CNTNAP5: variants seen among roughly 807,000 people sequenced by gnomAD.
CNTNAP5 encodes the protein contactin-associated protein-like 5.
A neutral mutation model predicts 150.2 loss-of-function variants in CNTNAP5; 72 were observed. The ratio of observed to expected loss-of-function variants is 0.48; its 90% CI spans 0.40 to 0.58. CNTNAP5 has a LOEUF of 0.58. Among genes scored for constraint, CNTNAP5 ranks in the 20% least tolerant of loss-of-function variants. The probability of loss-of-function intolerance (pLI) is 0.00; values close to 1 mark genes in which losing one functional copy is unlikely to be tolerated. For synonymous variants in CNTNAP5, 672 were observed against 619.8 expected (o/e 1.08, Z -1.25); for missense variants, 1,636 against 1,626.2 (o/e 1.01, Z -0.10).
chr2:124,127,887 T>C (rs527881142), intron 1 of CNTNAP5, among the ~76,000 whole-genome samples: 1 of 152,186 alleles, frequency 6.6e-6, no homozygotes, highest in Admixed American at 6.5e-5. Flanking sequence ...ATCCCTTCCT[T>C]ACACCTTATA....
chr2:124,461,057 G>C (rs375691423), intron 6 of CNTNAP5, among the ~76,000 whole-genome samples: 18 of 152,164 alleles, frequency 1.2e-4, no homozygotes, highest in Admixed American at 3.9e-4. Context: ...GGAGAAATAG[G>C]AACACTTTTA....
chr2:124,674,184 A>T (rs1271628939), intron 13 of CNTNAP5, among the ~76,000 whole-genome samples: 1 of 151,690 alleles, frequency 6.6e-6, no homozygotes, highest in African/African-American at 2.4e-5. Context: ...AGTCTTATTG[A>T]TTTTTCTCTA....
At chr2:124,467,030 C>T (rs752195013) in intron 6 of CNTNAP5, among the ~76,000 whole-genome samples, 1 of 152,086 alleles carries the variant, frequency 6.6e-6, no homozygotes, top group African/African-American at 2.4e-5. Flanking sequence ...AAAACTAGTA[C>T]CTTTGAAAGT....
intron 1 of CNTNAP5, among the ~76,000 whole-genome samples, chr2:124,027,158 GT>G (rs1263391901): frequency 6.6e-6 from 1 of 152,186 alleles, no homozygotes; most frequent in African/African-American, 2.4e-5. Context: ...TGGAATCTGA[GT>G]TTTTTTCTTT....
chr2:124,375,539 GT>G (rs1690625243), intron 3 of CNTNAP5, among the ~76,000 whole-genome samples: 1 of 152,202 alleles, frequency 6.6e-6, no homozygotes, highest in South Asian at 2.1e-4. Context: ...AGGCCACATG[GT>G]AATTAATGCA....
chr2:124,882,941 A>T (rs1677996803), intron 21 of CNTNAP5, among the ~76,000 whole-genome samples: 1 of 151,988 alleles, frequency 6.6e-6, no homozygotes, highest in South Asian at 2.1e-4. Context: ...CAAGAACAGG[A>T]TGGGAGAAAC....
At chr2:124,407,023 G>A (rs556149250) in intron 3 of CNTNAP5, among the ~76,000 whole-genome samples, 5 of 152,288 alleles carry the variant, frequency 3.3e-5, no homozygotes, top group African/African-American at 7.2e-5. Context: ...TGTTGCGAAT[G>A]ACATGATTTC....
intron 13 of CNTNAP5, among the ~76,000 whole-genome samples, chr2:124,739,600 A>C (rs1680457344): frequency 6.6e-6 from 1 of 152,180 alleles, no homozygotes; most frequent in African/African-American, 2.4e-5. Context: ...AAGCAATGAA[A>C]TAAAGCATGT....
Position 124,459,041 on chromosome 2 carries a change from G to C in CNTNAP5, c.918+12104G>C, listed in dbSNP as rs1423796422. Among the ~76,000 whole-genome samples the C allele has an allele frequency of 2.6e-5, 4 of 152,158 alleles. No individual in the cohort carries two copies. The East Asian group carries it at 7.7e-4, about 29-fold the overall frequency. On this transcript the variant is annotated intron_variant, in intron 6 of 23. Transcript: ENST00000682447. ...AAATGCTCTTCAACCCAATAATTCT[G>C]TTTCCAGTAATTTGTCCTACAATTA...
intron 13 of CNTNAP5, among the ~76,000 whole-genome samples, chr2:124,705,766 A>T (rs1679623968): frequency 6.7e-6 from 1 of 150,196 alleles, no homozygotes; most frequent in African/African-American, 2.5e-5. Flanking sequence ...ACCATAGGAA[A>T]AGTAAAAAAA....
intron 3 of CNTNAP5, among the ~76,000 whole-genome samples, chr2:124,348,419 TTC>T (rs1384050755): frequency 1.3e-5 from 2 of 152,188 alleles, no homozygotes; most frequent in African/African-American, 4.8e-5. Context: ...GGAAAAAACT[TTC>T]TGTCTCTCAC....
intron 3 of CNTNAP5, among the ~76,000 whole-genome samples, chr2:124,306,985 T>C (rs1688709341): frequency 6.6e-6 from 1 of 151,956 alleles, no homozygotes; most frequent in Non-Finnish European, 1.5e-5. Context: ...GCCTCAGCCT[T>C]CCAAAGTGCT....
intron 3 of CNTNAP5, among the ~76,000 whole-genome samples, chr2:124,355,897 T>C (rs1267578256): frequency 6.6e-6 from 1 of 152,168 alleles, no homozygotes; most frequent in African/African-American, 2.4e-5. Flanking sequence ...GCCTTTGGAA[T>C]ATCTAGTGTC....
chr2:124,746,908 C>T (rs992442184), intron 13 of CNTNAP5, among the ~76,000 whole-genome samples: 6 of 151,982 alleles, frequency 3.9e-5, no homozygotes, highest in Non-Finnish European at 5.9e-5. Context: ...ACTATACAAA[C>T]ATTTTGATGA....
chr2:124,054,594 A>G (rs1681795520), intron 1 of CNTNAP5, among the ~76,000 whole-genome samples: 1 of 152,176 alleles, frequency 6.6e-6, no homozygotes, highest in Non-Finnish European at 1.5e-5. Context: ...AGAGGGAAGT[A>G]AAAAAGAAAT....
intron 12 of CNTNAP5, among the ~76,000 whole-genome samples, chr2:124,621,759 C>G (rs1048000739): frequency 6.6e-6 from 1 of 152,120 alleles, no homozygotes; most frequent in African/African-American, 2.4e-5. Flanking sequence ...GAGAATGATC[C>G]ATGACATAAA....
chr2:124,085,078 C>T lies in CNTNAP5; in HGVS notation c.82+59346C>T, dbSNP rs943883560. Among the ~76,000 whole-genome samples, 17 of 151,966 alleles carry T rather than the reference C, an allele frequency of 1.1e-4. No individual in the cohort carries two copies. In the East Asian group the frequency reaches 3.1e-3, roughly 28 times the overall value. ...CTGGGATTACAGGCACCCACCACCA[C>T]GCCCAGCTAATTTTTGTATTTTTAG... On this transcript the variant is annotated intron_variant, in intron 1 of 23. Coordinates refer to ENST00000682447, the MANE Select transcript of CNTNAP5 (RefSeq NM_001367498.1).
At chr2:124,050,907 G>A (rs1681678829) in intron 1 of CNTNAP5, among the ~76,000 whole-genome samples, 1 of 152,164 alleles carries the variant, frequency 6.6e-6, no homozygotes, top group South Asian at 2.1e-4. Flanking sequence ...TCTTCAAAGT[G>A]TGTTAGTCCT....
At position 124,850,478 on chromosome 2, in the gene CNTNAP5, C is replaced by A. The variant is rs535647569; in HGVS notation, c.3218-14828C>A. ...GAACAATAAGGATTGTCAGGAGCTA[C>A]CAGAAGCTGAAAAGAGACAAGAAAG... On this transcript the variant is annotated intron_variant, in intron 19 of 23. Coordinates refer to ENST00000682447, the MANE Select transcript of CNTNAP5 (RefSeq NM_001367498.1). Among the ~76,000 whole-genome samples the A allele has an allele frequency of 2.0e-5, 3 of 152,232 alleles. No homozygotes were observed. The South Asian group carries it at 6.2e-4, about 32-fold the overall frequency.
Sources: gnomAD v4.1 joint callset for allele counts (sites outside exome capture counted in the v4.1 genomes callset) on GRCh38, gnomAD v4.1.1 for gene constraint, MANE v1.5 for transcripts, NCBI Gene and HGNC (gene_info 2026-07-23, HGNC 2026-07-21) for gene names.